LRRTM4: variants seen among roughly 807,000 people sequenced by gnomAD.
The protein encoded by LRRTM4 is leucine-rich repeat transmembrane neuronal protein 4.
Under a neutral mutation model 47.6 loss-of-function variants are expected in LRRTM4, and 25 were observed. The ratio of observed to expected loss-of-function variants is 0.53; its 90% CI spans 0.38 to 0.73. The LOEUF (loss-of-function observed/expected upper bound fraction) is 0.73. Among genes scored for constraint, LRRTM4 ranks in the 30% least tolerant of loss-of-function variants. The pLI is 0.00. For missense variants in LRRTM4, 638 were observed against 713.4 expected (o/e 0.89, Z 1.20); for synonymous variants, 311 against 269.5 (o/e 1.15, Z -1.51).
chr2:77,222,712 T>G (rs1674675384), intron 3 of LRRTM4, among the ~76,000 whole-genome samples: 1 of 152,256 alleles, frequency 6.6e-6, no homozygotes, highest in East Asian at 1.9e-4. Context: ...GAGGCAATAA[T>G]TAATAGCTTA....
intron 3 of LRRTM4, among the ~76,000 whole-genome samples, chr2:76,990,554 G>T (rs1450957713): frequency 1.3e-5 from 2 of 151,628 alleles, no homozygotes; most frequent in Admixed American, 1.3e-4. Flanking sequence ...GGAAAAGAAT[G>T]GGCATTACAT....
At chr2:77,516,936 T>C in intron 3 of LRRTM4, 1 of 984,764 alleles carries the variant, frequency 1.0e-6, no homozygotes, top group South Asian at 4.7e-5. Flanking sequence ...AGCAATTATA[T>C]TTTCCAACTG....
chr2:77,411,760 G>A (rs1261182822), intron 3 of LRRTM4, among the ~76,000 whole-genome samples: 1 of 150,236 alleles, frequency 6.7e-6, no homozygotes, highest in South Asian at 2.1e-4. Flanking sequence ...GTAAGCCACC[G>A]CGCCCGGCCC....
At chr2:77,044,656 A>G (rs1679173276) in intron 3 of LRRTM4, among the ~76,000 whole-genome samples, 1 of 151,580 alleles carries the variant, frequency 6.6e-6, no homozygotes, top group East Asian at 1.9e-4. Context: ...AACATATACA[A>G]ACACACACAT....
chr2:76,996,775 A>G (rs922926476), intron 3 of LRRTM4, among the ~76,000 whole-genome samples: 2 of 152,148 alleles, frequency 1.3e-5, no homozygotes, highest in Non-Finnish European at 2.9e-5. Context: ...AAAAAATGTT[A>G]AAATGAAATT....
Position 76,798,850 on chromosome 2 carries a change from C to G in LRRTM4, c.1552-49934G>C, listed in dbSNP as rs1213864899. On this transcript the variant is annotated intron_variant, in intron 3 of 3. Transcript: ENST00000409884. ...CTACGCAAATAAACTAGAAAATCTA[C>G]AAGAAATGGATACATTCGTGGACAC... 6.6e-5 allele frequency among the ~76,000 whole-genome samples: 10 copies of G among 152,202 alleles called. No homozygotes were observed. In the South Asian group the frequency reaches 8.3e-4, roughly 13 times the overall value.
At chr2:76,782,164 A>T (rs1303125573) in intron 3 of LRRTM4, among the ~76,000 whole-genome samples, 1 of 152,234 alleles carries the variant, frequency 6.6e-6, no homozygotes, top group Non-Finnish European at 1.5e-5. Flanking sequence ...TAAAAGATAA[A>T]ATGGTATTTT....
chr2:76,807,453 TATATAC>T (rs1195343960), intron 3 of LRRTM4, among the ~76,000 whole-genome samples: 1 of 100,936 alleles, frequency 9.9e-6, no homozygotes, highest in African/African-American at 5.1e-5. Flanking sequence ...TACATATATA[TATATAC>T]ATATATATAT....
intron 3 of LRRTM4, among the ~76,000 whole-genome samples, chr2:76,896,024 G>C (rs1673406626): frequency 6.6e-6 from 1 of 152,040 alleles, no homozygotes; most frequent in Admixed American, 6.6e-5. Context: ...GGGCAAATTT[G>C]TGCCAAGTAA....
chr2:76,938,631 T>C lies in LRRTM4; in HGVS notation c.1552-189715A>G, dbSNP rs150141225. ...TTTCAAGTAATTTTCTTTTCATCATTTTTAGCAAATCATTTGAAAAAGTTT... is the reference window on the plus strand; with the variant it reads ...TTTCAAGTAATTTTCTTTTCATCATCTTTAGCAAATCATTTGAAAAAGTTT... On this transcript the variant is annotated intron_variant, in intron 3 of 3. Transcript: ENST00000409884. 5.1e-3 allele frequency among the ~76,000 whole-genome samples: 778 copies of C among 152,250 alleles called. 13 individuals are homozygous for C. Among genetic ancestry groups the C allele is most frequent in the African/African-American group, 0.018 (731 of 41,578 alleles).
chr2:77,405,679 G>A (rs1674155004), intron 3 of LRRTM4, among the ~76,000 whole-genome samples: 1 of 152,092 alleles, frequency 6.6e-6, no homozygotes, highest in Admixed American at 6.6e-5. Flanking sequence ...CAAAAAAAGT[G>A]TTGACGACAG....
intron 3 of LRRTM4, among the ~76,000 whole-genome samples, chr2:77,373,457 A>G (rs372616786): frequency 1.3e-5 from 2 of 151,862 alleles, no homozygotes; most frequent in African/African-American, 4.8e-5. Flanking sequence ...CTGTCCTTCT[A>G]TAAAACTGGT....
chr2:76,976,463 T>C (rs1247628185), intron 3 of LRRTM4, among the ~76,000 whole-genome samples: 1 of 151,752 alleles, frequency 6.6e-6, no homozygotes, highest in African/African-American at 2.4e-5. Context: ...CAATATTAAT[T>C]ATGAGACAAA....
chr2:76,844,613 CA>C (rs1313565012), intron 3 of LRRTM4, among the ~76,000 whole-genome samples: 3 of 149,802 alleles, frequency 2.0e-5, no homozygotes, highest in Non-Finnish European at 4.4e-5. Context: ...AGCCAAGAAG[CA>C]AACAATGTAC....
intron 3 of LRRTM4, among the ~76,000 whole-genome samples, chr2:77,205,058 G>A (rs778478937): frequency 6.6e-6 from 1 of 152,288 alleles, no homozygotes; most frequent in Admixed American, 6.5e-5. Context: ...AATCATAAGT[G>A]TGATTACTTA....
chr2:77,233,451 A>T (rs1675020322), intron 3 of LRRTM4, among the ~76,000 whole-genome samples: 1 of 152,112 alleles, frequency 6.6e-6, no homozygotes, highest in East Asian at 1.9e-4. Context: ...TAATAGTGTA[A>T]ATTCTGGGGT....
intron 3 of LRRTM4, among the ~76,000 whole-genome samples, chr2:77,196,606 T>C (rs1042594888): frequency 6.6e-6 from 1 of 152,096 alleles, no homozygotes; most frequent in African/African-American, 2.4e-5. Context: ...TAGCCGGGTA[T>C]GGTAGCAGGC....
chr2:76,974,173 C>CATATATACATACATAT (rs1676322436), intron 3 of LRRTM4, among the ~76,000 whole-genome samples: 1 of 130,346 alleles, frequency 7.7e-6, no homozygotes, highest in African/African-American at 3.0e-5. Flanking sequence ...TATATACATA[C>CATATATACATACATAT]ATATATATAC....
At position 77,295,776 on chromosome 2, in the gene LRRTM4, C is replaced by T. The variant is rs540876829; in HGVS notation, c.1551+222542G>A. Reference sequence around the variant, plus strand: ...CTATTTGTTGTATCTAAATTTCCTCCTAAAAGGACACCAATCATATTAGAT... The same window carrying T: ...CTATTTGTTGTATCTAAATTTCCTCTTAAAAGGACACCAATCATATTAGAT... On this transcript the variant is annotated intron_variant, in intron 3 of 3. Transcript: ENST00000409884. Among the ~76,000 whole-genome samples the T allele has an allele frequency of 8.1e-4, 123 of 152,154 alleles. 1 individual carries two copies. Among genetic ancestry groups the T allele is most frequent in the Middle Eastern group, 3.4e-3 (1 of 294 alleles).
Sources: gnomAD v4.1 joint callset for allele counts (sites outside exome capture counted in the v4.1 genomes callset) on GRCh38, gnomAD v4.1.1 for gene constraint, MANE v1.5 for transcripts, NCBI Gene and HGNC (gene_info 2026-07-23, HGNC 2026-07-21) for gene names.